MCUB: variants seen among roughly 807,000 people sequenced by gnomAD.
MCUB encodes the protein mitochondrial calcium uniporter dominant negative subunit beta.
A neutral mutation model predicts 41.4 loss-of-function variants in MCUB; 46 were observed. The ratio of observed to expected loss-of-function variants is 1.11; its 90% CI spans 0.88 to 1.42. MCUB has a LOEUF of 1.42. Ranked by LOEUF, MCUB falls within the 40% of genes most tolerant of loss-of-function variation. The pLI, the probability that MCUB is intolerant of heterozygous loss-of-function variation, is 0.00. For synonymous variants in MCUB, 148 were observed against 148.2 expected (o/e 1.00, Z 0.01); for missense variants, 403 against 404.9 (o/e 1.00, Z 0.04).
At chr4:109,596,930 G>A (rs528813074) in intron 1 of MCUB, among the ~76,000 whole-genome samples, 68 of 151,906 alleles carry the variant, frequency 4.5e-4, no homozygotes, top group Admixed American at 9.2e-4. Flanking sequence ...GAGTGGTGAC[G>A]ACTCTTAACA....
intron 1 of MCUB, among the ~76,000 whole-genome samples, chr4:109,608,409 G>A (rs930563099): frequency 1.9e-4 from 29 of 152,168 alleles, no homozygotes; most frequent in African/African-American, 6.3e-4. Flanking sequence ...TATTTAGTTC[G>A]TTTGGTGAGG....
chr4:109,680,671 G>A (rs1729695727), intron 4 of MCUB, among the ~76,000 whole-genome samples: 2 of 152,140 alleles, frequency 1.3e-5, no homozygotes, highest in South Asian at 4.1e-4. Flanking sequence ...ATGGAAGGGG[G>A]TAAAGACCAC....
intron 1 of MCUB, among the ~76,000 whole-genome samples, chr4:109,565,572 G>A (rs1322148714): frequency 6.6e-6 from 1 of 152,082 alleles, no homozygotes; most frequent in Non-Finnish European, 1.5e-5. Flanking sequence ...AAAAAACAAG[G>A]AAAATTAATA....
chr4:109,572,227 A>G (rs184414875), intron 1 of MCUB, among the ~76,000 whole-genome samples: 1 of 152,390 alleles, frequency 6.6e-6, no homozygotes, highest in East Asian at 1.9e-4. Context: ...AGTCTTGTAC[A>G]CTTACACACT....
intron 1 of MCUB, among the ~76,000 whole-genome samples, chr4:109,602,371 T>A (rs565346900): frequency 6.6e-6 from 1 of 152,338 alleles, no homozygotes; most frequent in African/African-American, 2.4e-5. Context: ...TTTAATCCAT[T>A]TTTATTTGAC....
At chr4:109,656,543 T>C (rs1046402244) in intron 1 of MCUB, among the ~76,000 whole-genome samples, 6 of 151,220 alleles carry the variant, frequency 4.0e-5, no homozygotes, top group South Asian at 2.1e-4. Context: ...TGCCAGACTT[T>C]TTCTGTAATT....
At chr4:109,572,290 A>G (rs943086787) in intron 1 of MCUB, among the ~76,000 whole-genome samples, 27 of 152,354 alleles carry the variant, frequency 1.8e-4, no homozygotes, top group Middle Eastern at 3.4e-3. Context: ...TGAGGCCAGA[A>G]CTGAAGTTTA....
intron 4 of MCUB, among the ~76,000 whole-genome samples, chr4:109,679,358 A>G (rs572846932): frequency 8.0e-4 from 122 of 152,320 alleles, no homozygotes; most frequent in Non-Finnish European, 1.5e-3. Flanking sequence ...CCTGGGCAAC[A>G]TTGAGCACTG....
At chr4:109,604,719 C>A (rs1332017378) in intron 1 of MCUB, among the ~76,000 whole-genome samples, 2 of 152,138 alleles carry the variant, frequency 1.3e-5, no homozygotes, top group Non-Finnish European at 1.5e-5. Context: ...GAGTTTTTAT[C>A]ATGAAAGGAT....
At chr4:109,654,605 C>T (rs569920955) in intron 1 of MCUB, among the ~76,000 whole-genome samples, 42 of 151,462 alleles carry the variant, frequency 2.8e-4, no homozygotes, top group African/African-American at 8.5e-4. Flanking sequence ...AGCAAGACTC[C>T]GTCTCAGGAG....
At chr4:109,626,237 T>C (rs1561231920) in intron 1 of MCUB, among the ~76,000 whole-genome samples, 5 of 152,154 alleles carry the variant, frequency 3.3e-5, no homozygotes, top group South Asian at 2.1e-4. Flanking sequence ...TTAGAGGAGA[T>C]ATGTGGAAGA....
chr4:109,585,539 A>G (rs1450937587), intron 1 of MCUB, among the ~76,000 whole-genome samples: 1 of 152,156 alleles, frequency 6.6e-6, no homozygotes. Context: ...GTTTCTTCCT[A>G]GCATTGATGA....
At position 109,560,398 on chromosome 4, in the gene MCUB, C is replaced by A; in HGVS notation, c.61C>A (p.Arg21Ser). 1 of 1,320,110 alleles carries A rather than the reference C, an allele frequency of 7.6e-7. No individual in the cohort carries two copies. The highest frequency in any genetic ancestry group is 1.5e-5 in the African/African-American group (1 of 65,566). The allele number at this position is 1,320,110 out of a possible 1,614,324, so 81.8% of individuals were successfully genotyped here. ...TRLLPTPGTW[R>S]PARPWPLPPP... The stretch of plus-strand genomic sequence containing the variant: ...GCTGCTGCCGACCCCTGGCACCTGG[C>A]GCCCAGCGCGCCCGTGGCCGCTGCC... Residue 21 changes from arginine (R) to serine (S), a missense_variant, in exon 1 of 8, where the codon CGC becomes AGC. Coordinates refer to ENST00000394650, the MANE Select transcript of MCUB (RefSeq NM_017918.5).
intron 1 of MCUB, among the ~76,000 whole-genome samples, chr4:109,639,653 C>G (rs1048458372): frequency 6.6e-6 from 1 of 152,176 alleles, no homozygotes; most frequent in Non-Finnish European, 1.5e-5. Flanking sequence ...TGCCGTTGCA[C>G]TACAGCCTGG....
intron 4 of MCUB, among the ~76,000 whole-genome samples, chr4:109,677,140 T>C (rs1026944155): frequency 1.3e-5 from 2 of 152,234 alleles, no homozygotes; most frequent in Non-Finnish European, 1.5e-5. Flanking sequence ...TTCTGAAGTT[T>C]TAAGATTTAA....
chr4:109,577,394 T>G (rs572911039), intron 1 of MCUB, among the ~76,000 whole-genome samples: 2 of 152,182 alleles, frequency 1.3e-5, no homozygotes, highest in Non-Finnish European at 2.9e-5. Context: ...GCATGTGCCA[T>G]ACACTATCAT....
chr4:109,607,655 A>G (rs1396775409), intron 1 of MCUB, among the ~76,000 whole-genome samples: 1 of 152,224 alleles, frequency 6.6e-6, no homozygotes, highest in Non-Finnish European at 1.5e-5. Flanking sequence ...TTCACTGGAT[A>G]TGCTATTCTA....
At chr4:109,614,591 A>G (rs1728086733) in intron 1 of MCUB, among the ~76,000 whole-genome samples, 1 of 150,696 alleles carries the variant, frequency 6.6e-6, no homozygotes, top group Non-Finnish European at 1.5e-5. Context: ...TGAGAAATAA[A>G]TTTCTGTTGT....
At chr4:109,679,166 G>A (rs1015969138) in intron 4 of MCUB, among the ~76,000 whole-genome samples, 1 of 151,036 alleles carries the variant, frequency 6.6e-6, no homozygotes, top group East Asian at 2.0e-4. Flanking sequence ...TTCCCAGACG[G>A]GGCAGCTGGG....
Sources: gnomAD v4.1 joint callset for allele counts (sites outside exome capture counted in the v4.1 genomes callset) on GRCh38, gnomAD v4.1.1 for gene constraint, MANE v1.5 for transcripts, NCBI Gene and HGNC (gene_info 2026-07-23, HGNC 2026-07-21) for gene names.